ASAP1: variants seen among roughly 807,000 people sequenced by gnomAD.
The protein encoded by ASAP1 is arf-GAP with SH3 domain, ANK repeat and PH domain-containing protein 1.
A neutral mutation model predicts 145.2 loss-of-function variants in ASAP1; 43 were observed. That is an observed-to-expected ratio of 0.30 (90% CI 0.23 to 0.38). The LOEUF is 0.38. ASAP1 is among the 10% of genes least tolerant of loss of function. The probability of loss-of-function intolerance (pLI) is 1.00; values close to 1 mark genes in which losing one functional copy is unlikely to be tolerated. For synonymous variants in ASAP1, 546 were observed against 515.5 expected, an observed-to-expected ratio of 1.06 and a Z score of -0.80; for missense variants, 1,018 against 1,355.3, an observed-to-expected ratio of 0.75 and a Z score of 3.91.
At chr8:130,148,175 T>C (rs369578516) in intron 13 of ASAP1, among the ~76,000 whole-genome samples, 2 of 152,188 alleles carry the variant, frequency 1.3e-5, no homozygotes, top group East Asian at 3.9e-4. Flanking sequence ...CAAAGAACTG[T>C]TATTCATGAA....
intron 3 of ASAP1, among the ~76,000 whole-genome samples, chr8:130,296,424 TG>T (rs1381615363): frequency 6.6e-6 from 1 of 151,916 alleles, no homozygotes; most frequent in African/African-American, 2.4e-5. Flanking sequence ...CCTGATGTCA[TG>T]CTTACTCCAG....
At chr8:130,238,058 A>C (rs1203302997) in intron 3 of ASAP1, among the ~76,000 whole-genome samples, 1 of 152,140 alleles carries the variant, frequency 6.6e-6, no homozygotes, top group African/African-American at 2.4e-5. Flanking sequence ...GAGGCTAAGT[A>C]CTTCCCTGAA....
At chr8:130,389,085 A>G (rs1174549526) in intron 2 of ASAP1, among the ~76,000 whole-genome samples, 1 of 152,254 alleles carries the variant, frequency 6.6e-6, no homozygotes, top group Non-Finnish European at 1.5e-5. Flanking sequence ...GGCCTGGCTC[A>G]CGTTAAATGC....
intron 12 of ASAP1, among the ~76,000 whole-genome samples, chr8:130,158,161 A>G (rs986741134): frequency 1.3e-5 from 2 of 152,138 alleles, no homozygotes; most frequent in Non-Finnish European, 2.9e-5. Context: ...AGATTAAGCC[A>G]AGGAGTACGT....
At chr8:130,072,666 G>C (rs1160109546) in intron 27 of ASAP1, among the ~76,000 whole-genome samples, 2 of 151,362 alleles carry the variant, frequency 1.3e-5, no homozygotes, top group Non-Finnish European at 2.9e-5. Context: ...TGATAAACTG[G>C]TAAATGTGTT....
At chr8:130,369,680 G>A (rs13439267) in intron 2 of ASAP1, among the ~76,000 whole-genome samples, 4,759 of 152,228 alleles carry the variant, frequency 0.031, 239 homozygotes, top group African/African-American at 0.11. Flanking sequence ...ATGCCACTTT[G>A]CACCCACTAG....
chr8:130,108,322 G>A (rs1021314366), intron 24 of ASAP1, among the ~76,000 whole-genome samples: 3 of 152,154 alleles, frequency 2.0e-5, no homozygotes, highest in African/African-American at 2.4e-5. Flanking sequence ...AGGAATAGAT[G>A]GGAATGAACT....
At chr8:130,430,466 C>A (rs1218350448) in intron 1 of ASAP1, among the ~76,000 whole-genome samples, 2 of 152,164 alleles carry the variant, frequency 1.3e-5, no homozygotes, top group African/African-American at 2.4e-5. Context: ...AGTGGGTAAG[C>A]AGAGAGCCAG....
chr8:130,422,223 C>A (rs984259171), intron 1 of ASAP1, among the ~76,000 whole-genome samples: 11 of 152,190 alleles, frequency 7.2e-5, no homozygotes, highest in South Asian at 6.2e-4. Flanking sequence ...TCAACAACAG[C>A]TGCAGGTGGA....
chr8:130,238,024 C>T (rs1030226171), intron 3 of ASAP1, among the ~76,000 whole-genome samples: 5 of 152,118 alleles, frequency 3.3e-5, no homozygotes, highest in South Asian at 2.1e-4. Flanking sequence ...CTCAGAACTT[C>T]AGACCAGAAA....
chr8:130,249,935 C>A (rs1819088257), intron 3 of ASAP1, among the ~76,000 whole-genome samples: 1 of 152,090 alleles, frequency 6.6e-6, no homozygotes, highest in Non-Finnish European at 1.5e-5. Flanking sequence ...GCTCTGATTT[C>A]TGAAAATCAC....
chr8:130,248,518 G>A (rs1818997183), intron 3 of ASAP1, among the ~76,000 whole-genome samples: 1 of 152,138 alleles, frequency 6.6e-6, no homozygotes, highest in Non-Finnish European at 1.5e-5. Flanking sequence ...AAGGGCCATG[G>A]TAAGGAGACT....
At chr8:130,301,079 A>AGTCC (rs1355093801) in intron 3 of ASAP1, among the ~76,000 whole-genome samples, 1 of 152,210 alleles carries the variant, frequency 6.6e-6, no homozygotes, top group Non-Finnish European at 1.5e-5. Context: ...GATGCCAAAA[A>AGTCC]GTCCATTAGT....
chr8:130,429,841 G>A (rs150622271), intron 1 of ASAP1, among the ~76,000 whole-genome samples: 3,335 of 152,258 alleles, frequency 0.022, 46 homozygotes, highest in Non-Finnish European at 0.029. Flanking sequence ...TGTATACTTC[G>A]CTGACTAATT....
intron 3 of ASAP1, among the ~76,000 whole-genome samples, chr8:130,243,588 C>T (rs2670884): frequency 0.48 from 73,025 of 152,004 alleles, 18,001 homozygotes; most frequent in African/African-American, 0.58. Flanking sequence ...CTCCACTACT[C>T]ATTATGTTCC....
At chr8:130,114,171 C>T (rs914872673) in intron 23 of ASAP1, among the ~76,000 whole-genome samples, 1 of 152,166 alleles carries the variant, frequency 6.6e-6, no homozygotes, top group Non-Finnish European at 1.5e-5. Context: ...TAATGACAGG[C>T]ATACATTCTG....
At position 130,116,683 on chromosome 8, in the gene ASAP1, C is replaced by A. The variant is rs1425741207; in HGVS notation, c.2059G>T (p.Asp687Tyr). Residue 687 changes from aspartate (D) to tyrosine (Y), a missense_variant, in exon 22 of 30, where the codon GAT becomes TAT. Coordinates refer to ENST00000518721, the MANE Select transcript of ASAP1 (RefSeq NM_018482.4). The stretch of plus-strand genomic sequence containing the variant: ...CCACGTCCATTTTTGCTTACCAGAT[C>A]TTCACACTGGGTAGCTTTTAGTCTC... Reference protein sequence around the residue: ...AKRLKATQCEDLLSQAKSGKF... With the variant: ...AKRLKATQCEYLLSQAKSGKF... 6.2e-7 allele frequency: 1 copy of A among 1,613,990 alleles called. No homozygotes were observed. The highest frequency in any genetic ancestry group is 8.5e-7 in the Non-Finnish European group (1 of 1,179,916).
At chr8:130,410,269 G>C (rs1829208581) in intron 1 of ASAP1, among the ~76,000 whole-genome samples, 1 of 152,112 alleles carries the variant, frequency 6.6e-6, no homozygotes, top group Non-Finnish European at 1.5e-5. Flanking sequence ...GCACGTACTG[G>C]TACCATAGGA....
At chr8:130,401,510 G>A (rs1586978835) in intron 2 of ASAP1, among the ~76,000 whole-genome samples, 1 of 152,270 alleles carries the variant, frequency 6.6e-6, no homozygotes, top group South Asian at 2.1e-4. Context: ...CTCCTAAAGT[G>A]CTGGGATTAC....
Sources: gnomAD v4.1 joint callset for allele counts (sites outside exome capture counted in the v4.1 genomes callset) on GRCh38, gnomAD v4.1.1 for gene constraint, MANE v1.5 for transcripts, NCBI Gene and HGNC (gene_info 2026-07-23, HGNC 2026-07-21) for gene names.